Variants in TENM2 observed in about 807,000 individuals in gnomAD.
The protein encoded by TENM2 is teneurin-2.
In TENM2, 52 loss-of-function variants were observed where a neutral mutation model predicts 245.2. The observed-to-expected ratio is 0.21, with a 90% CI of 0.17 to 0.27. The LOEUF (loss-of-function observed/expected upper bound fraction) is 0.27. Ranked by LOEUF, TENM2 falls within the 10% of genes least tolerant of loss-of-function variation. The probability of loss-of-function intolerance (pLI) is 1.00; values close to 1 mark genes in which losing one functional copy is unlikely to be tolerated. For missense variants in TENM2, 3,046 were observed against 3,666.8 expected (o/e 0.83, Z 4.37); for synonymous variants, 1,363 against 1,438.9 (o/e 0.95, Z 1.19).
At chr5:168,003,252 C>T (rs1317394666) in intron 5 of TENM2, among the ~76,000 whole-genome samples, 1 of 151,332 alleles carries the variant, frequency 6.6e-6, no homozygotes, top group South Asian at 2.1e-4. Context: ...CTGTTTTAAT[C>T]AAATGATGAC....
Position 167,935,139 on chromosome 5 carries a change from CAG to C in TENM2, c.713-17446_713-17445del, listed in dbSNP as rs530965611. Among the ~76,000 whole-genome samples the C allele has an allele frequency of 3.1e-3, 465 of 152,232 alleles. 1 individual carries two copies. The highest frequency in any genetic ancestry group is 5.7e-3 in the Non-Finnish European group (386 of 68,018). On this transcript the variant is annotated intron_variant, in intron 3 of 28. Coordinates refer to ENST00000518659, the Ensembl canonical transcript of TENM2. ...ACTGCTCTACAAACCGAGAGAGAAACAGAGGCGTGAAAAGAGCCGTTAGTGCA... is the reference window on the plus strand; with the variant it reads ...ACTGCTCTACAAACCGAGAGAGAAACAGGCGTGAAAAGAGCCGTTAGTGCA...
intron 14 of TENM2, among the ~76,000 whole-genome samples, chr5:168,191,291 G>A (rs529281158): frequency 6.6e-6 from 1 of 152,296 alleles, no homozygotes; most frequent in East Asian, 1.9e-4. Flanking sequence ...GGTTTGTCTT[G>A]GAGACACTTC....
At chr5:167,706,629 A>G (rs951074303) in intron 2 of TENM2, among the ~76,000 whole-genome samples, 10 of 152,096 alleles carry the variant, frequency 6.6e-5, no homozygotes, top group East Asian at 3.9e-4. Flanking sequence ...GGATTGCTGA[A>G]TCATATGGTA....
chr5:167,582,336 G>T (rs1332487450), intron 2 of TENM2, among the ~76,000 whole-genome samples: 1 of 152,078 alleles, frequency 6.6e-6, no homozygotes, highest in Non-Finnish European at 1.5e-5. Flanking sequence ...AATGAAATAG[G>T]CTTATGTGAC....
At chr5:167,450,868 T>C in intron 2 of TENM2, among the ~76,000 whole-genome samples, 1 of 152,198 alleles carries the variant, frequency 6.6e-6, no homozygotes. Flanking sequence ...AGGATGTTTC[T>C]CTGTGGGATA....
chr5:167,633,574 A>G (rs1213025638), intron 2 of TENM2, among the ~76,000 whole-genome samples: 1 of 152,210 alleles, frequency 6.6e-6, no homozygotes, highest in Admixed American at 6.5e-5. Context: ...AGTTTCATCT[A>G]AAGCTCTCCA....
intron 1 of TENM2, among the ~76,000 whole-genome samples, chr5:167,356,721 T>G (rs921890797): frequency 3.3e-5 from 5 of 152,210 alleles, no homozygotes; most frequent in African/African-American, 1.2e-4. Flanking sequence ...AGGAGGTTGG[T>G]GTTTTGATTC....
At chr5:167,968,728 G>A (rs1781558511) in intron 4 of TENM2, among the ~76,000 whole-genome samples, 1 of 152,090 alleles carries the variant, frequency 6.6e-6, no homozygotes, top group African/African-American at 2.4e-5. Context: ...TATCAACGCA[G>A]ATCCTCTCCA....
chr5:167,173,706 A>AGTGTGTGTGT, the TENM2 span, among the ~76,000 whole-genome samples: 4 of 144,234 alleles, frequency 2.8e-5, no homozygotes, highest in Admixed American at 1.4e-4. Flanking sequence ...AGGTGATTTG[A>AGTGTGTGTGT]GTGTGTGTGT....
intron 3 of TENM2, among the ~76,000 whole-genome samples, chr5:167,929,063 AAG>A (rs370417201): frequency 0.17 from 3,206 of 18,932 alleles, 108 homozygotes; most frequent in Middle Eastern, 0.29. Flanking sequence ...GAAAGAGAGA[AAG>A]AAAGAAAGAA....
At chr5:167,556,492 G>T (rs1416230177) in intron 2 of TENM2, among the ~76,000 whole-genome samples, 1 of 151,246 alleles carries the variant, frequency 6.6e-6, no homozygotes, top group Non-Finnish European at 1.5e-5. Context: ...TAGTTGTGTT[G>T]ATTTTGATTT....
the TENM2 span, among the ~76,000 whole-genome samples, chr5:167,132,067 T>G: frequency 6.6e-6 from 1 of 152,134 alleles, no homozygotes; most frequent in Non-Finnish European, 1.5e-5. Flanking sequence ...GTGATCCACC[T>G]GCCTCAGCCT....
At chr5:167,501,461 G>A (rs1021722148) in intron 2 of TENM2, among the ~76,000 whole-genome samples, 2 of 152,118 alleles carry the variant, frequency 1.3e-5, no homozygotes, top group Non-Finnish European at 2.9e-5. Context: ...TCATGCTTTG[G>A]TGACTTGTTT....
At chr5:168,207,526 C>T (rs933871035) in intron 19 of TENM2, among the ~76,000 whole-genome samples, 7 of 152,120 alleles carry the variant, frequency 4.6e-5, no homozygotes, top group East Asian at 1.9e-4. Flanking sequence ...TACCCAGAGC[C>T]GATTAGAAGT....
intron 2 of TENM2, among the ~76,000 whole-genome samples, chr5:167,870,554 C>CATATATAT (rs60172043): frequency 3.7e-4 from 48 of 128,378 alleles, no homozygotes; most frequent in African/African-American, 1.3e-3. Context: ...AATGTGTATA[C>CATATATAT]ATATATATAT....
At chr5:167,392,224 A>T (rs1341434065) in intron 2 of TENM2, among the ~76,000 whole-genome samples, 2 of 152,174 alleles carry the variant, frequency 1.3e-5, no homozygotes, top group African/African-American at 4.8e-5. Context: ...AATAAATAAG[A>T]TAAGAGTTCT....
At chr5:167,848,969 G>A (rs1265495779) in intron 2 of TENM2, among the ~76,000 whole-genome samples, 4 of 152,036 alleles carry the variant, frequency 2.6e-5, no homozygotes, top group African/African-American at 9.7e-5. Context: ...CCTATTGCTG[G>A]TGTAACAGAT....
At chr5:168,147,055 A>C (rs1003264543) in intron 12 of TENM2, among the ~76,000 whole-genome samples, 8 of 152,280 alleles carry the variant, frequency 5.3e-5, no homozygotes, top group African/African-American at 1.9e-4. Context: ...CTCCGATTCC[A>C]AAAATGACTC....
chr5:167,481,040 C>T (rs770881745), intron 2 of TENM2, among the ~76,000 whole-genome samples: 8 of 152,224 alleles, frequency 5.3e-5, no homozygotes, highest in African/African-American at 1.9e-4. Flanking sequence ...AGCATATCCT[C>T]AGAATGTCTT....
Sources: allele counts gnomAD v4.1 joint callset (sites outside exome capture counted in the v4.1 genomes callset), GRCh38; gene constraint gnomAD v4.1.1; transcripts MANE v1.5; gene names NCBI Gene and HGNC (gene_info 2026-07-23, HGNC 2026-07-21).